The following SMYD3 variants were observed in gnomAD, a reference collection of about 807,000 sequenced individuals.
The protein encoded by SMYD3 is SET and MYND domain containing 3.
A neutral mutation model predicts 57.7 loss-of-function variants in SMYD3; 36 were observed. That is an observed-to-expected ratio of 0.62 (90% CI 0.48 to 0.82). The LOEUF is 0.82. Ranked by LOEUF, SMYD3 falls within the 40% of genes least tolerant of loss-of-function variation. The pLI, the probability that SMYD3 is intolerant of heterozygous loss-of-function variation, is 0.00. For synonymous variants in SMYD3, 211 were observed against 195.0 expected, an observed-to-expected ratio of 1.08 and a Z score of -0.68; for missense variants, 515 against 538.8, an observed-to-expected ratio of 0.96 and a Z score of 0.44.
rs542401279 is a variant in SMYD3, at chr1:245,768,701, T to C, written c.1077-4552A>G. On this transcript the variant is annotated intron_variant, in intron 10 of 11. Transcript: ENST00000490107. ...CCCCTTGTGAATGGGATTAAAGCCC[T>C]TATAACACAGGTTTCACGAAGTGTT... 2.0e-5 allele frequency among the ~76,000 whole-genome samples: 3 copies of C among 152,308 alleles called. No homozygotes were observed. The East Asian group carries it at 5.8e-4, about 29-fold the overall frequency.
At position 245,864,922 on chromosome 1, in the gene SMYD3, C is replaced by T. The variant is rs185213094; in HGVS notation, c.814-1036G>A. 5.9e-5 allele frequency among the ~76,000 whole-genome samples: 9 copies of T among 152,220 alleles called. No individual in the cohort carries two copies. In the East Asian group the frequency reaches 1.7e-3, roughly 29 times the overall value. On this transcript the variant is annotated intron_variant, in intron 8 of 11. Coordinates refer to ENST00000490107, the MANE Select transcript of SMYD3 (RefSeq NM_001167740.2). ...CTTCCACCTAAACTAAAAACAAAAT[C>T]CCCCAACACTGAAAAAATTCAAAAG...
At chr1:245,755,083 G>A (rs555284692) in intron 11 of SMYD3, among the ~76,000 whole-genome samples, 4 of 152,304 alleles carry the variant, frequency 2.6e-5, no homozygotes, top group South Asian at 4.1e-4. Flanking sequence ...AGACTCTGAA[G>A]AAGTTATGTT....
At chr1:246,071,497 T>C (rs1322570343) in intron 5 of SMYD3, among the ~76,000 whole-genome samples, 1 of 152,210 alleles carries the variant, frequency 6.6e-6, no homozygotes, top group Non-Finnish European at 1.5e-5. Flanking sequence ...TAATCACAAG[T>C]AGTGATTACT....
intron 5 of SMYD3, among the ~76,000 whole-genome samples, chr1:246,229,996 G>GT (rs1285707638): frequency 1.3e-5 from 2 of 152,142 alleles, no homozygotes; most frequent in African/African-American, 2.4e-5. Flanking sequence ...TTTTCCAAGT[G>GT]TTAAGCAGGT....
chr1:246,087,886 A>G (rs1410241768), intron 5 of SMYD3, among the ~76,000 whole-genome samples: 2 of 152,138 alleles, frequency 1.3e-5, no homozygotes, highest in Non-Finnish European at 2.9e-5. Flanking sequence ...CTAACCAACT[A>G]CATCATAGCA....
At chr1:246,459,357 G>C (rs1384173436) in intron 1 of SMYD3, among the ~76,000 whole-genome samples, 1 of 150,460 alleles carries the variant, frequency 6.6e-6, no homozygotes, top group African/African-American at 2.5e-5. Flanking sequence ...AAAGTGTGTA[G>C]CACGTCCCCA....
chr1:246,464,662 G>A (rs189127412), intron 1 of SMYD3, among the ~76,000 whole-genome samples: 256 of 152,326 alleles, frequency 1.7e-3, no homozygotes, highest in Non-Finnish European at 3.1e-3. Flanking sequence ...TGTGTCTGTA[G>A]GACAGTGGTT....
intron 1 of SMYD3, among the ~76,000 whole-genome samples, chr1:246,462,119 A>G (rs1412963211): frequency 2.0e-5 from 3 of 152,314 alleles, no homozygotes; most frequent in South Asian, 2.1e-4. Context: ...GAACACTTTT[A>G]CGTGTGTGGA....
chr1:246,099,102 G>A (rs1266185108), intron 5 of SMYD3, among the ~76,000 whole-genome samples: 1 of 152,182 alleles, frequency 6.6e-6, no homozygotes, highest in Non-Finnish European at 1.5e-5. Flanking sequence ...CTCTTTGGTT[G>A]TATCAGACTG....
At chr1:245,793,750 G>A (rs1416316007) in intron 10 of SMYD3, among the ~76,000 whole-genome samples, 1 of 152,030 alleles carries the variant, frequency 6.6e-6, no homozygotes, top group Non-Finnish European at 1.5e-5. Flanking sequence ...TATTAGCTTA[G>A]GCTAACGTGC....
At chr1:246,316,361 GTTTT>G (rs746235263) in intron 5 of SMYD3, among the ~76,000 whole-genome samples, 2 of 133,444 alleles carry the variant, frequency 1.5e-5, no homozygotes, top group East Asian at 2.2e-4. Flanking sequence ...GTCTTCATGG[GTTTT>G]TTTTTTTTTT....
chr1:246,489,763 G>A (rs147368048), intron 1 of SMYD3, among the ~76,000 whole-genome samples: 53 of 152,262 alleles, frequency 3.5e-4, no homozygotes, highest in South Asian at 6.2e-4. Context: ...TAGGCTGTAC[G>A]TAAGCCAAGG....
intron 10 of SMYD3, among the ~76,000 whole-genome samples, chr1:245,807,651 A>G (rs1395354489): frequency 1.3e-5 from 2 of 152,164 alleles, no homozygotes; most frequent in South Asian, 2.1e-4. Flanking sequence ...TAAGAAACCA[A>G]ATAAAATTAA....
chr1:246,269,972 T>C (rs1487780040), intron 5 of SMYD3, among the ~76,000 whole-genome samples: 1 of 152,198 alleles, frequency 6.6e-6, no homozygotes, highest in Non-Finnish European at 1.5e-5. Flanking sequence ...GACAGAGTTT[T>C]CAAATTGAAA....
chr1:246,059,062 G>A (rs1019427674), intron 5 of SMYD3, among the ~76,000 whole-genome samples: 12 of 152,070 alleles, frequency 7.9e-5, no homozygotes, highest in African/African-American at 2.9e-4. Flanking sequence ...ATTTTTAGTA[G>A]AGACAGGGTT....
rs183487364 is a variant in SMYD3 at position 246,276,844 on chromosome 1, C to A, written c.531+50357G>T. Among the ~76,000 whole-genome samples the A allele has an allele frequency of 4.1e-3, 551 of 135,572 alleles. 188 individuals are homozygous for A. Among genetic ancestry groups the A allele is most frequent in the African/African-American group, 0.01 (342 of 33,844 alleles). 88.9% of individuals were successfully genotyped at this position (135,572 alleles called of 152,430 possible). On this transcript the variant is annotated intron_variant, in intron 5 of 11. Transcript: ENST00000490107. ...TGATGCCCATGTTTGAATACTAACT[C>A]CGTTTTTTCACTAGCCGTATTAACA...
chr1:245,802,338 C>T (rs906040724), intron 10 of SMYD3, among the ~76,000 whole-genome samples: 5 of 152,100 alleles, frequency 3.3e-5, no homozygotes, highest in Non-Finnish European at 4.4e-5. Flanking sequence ...CTACACTAGT[C>T]CTAGGGCCAG....
At chr1:246,390,795 G>A (rs1364703409) in intron 1 of SMYD3, among the ~76,000 whole-genome samples, 4 of 152,030 alleles carry the variant, frequency 2.6e-5, no homozygotes, top group Non-Finnish European at 5.9e-5. Flanking sequence ...CATTTCAAGT[G>A]CACAACAGCC....
At chr1:246,082,571 G>A (rs886749103) in intron 5 of SMYD3, among the ~76,000 whole-genome samples, 16 of 152,224 alleles carry the variant, frequency 1.1e-4, no homozygotes, top group African/African-American at 3.9e-4. Context: ...CCCAGCTTCT[G>A]AGTTCTTGGT....
Sources: allele counts gnomAD v4.1 joint callset (sites outside exome capture counted in the v4.1 genomes callset), GRCh38; gene constraint gnomAD v4.1.1; transcripts MANE v1.5; gene names NCBI Gene and HGNC (gene_info 2026-07-23, HGNC 2026-07-21).